Variants in TYK2 observed in about 807,000 individuals in gnomAD.
TYK2 encodes the protein tyrosine kinase 2, also known as non-receptor tyrosine-protein kinase TYK2.
In TYK2, 65 loss-of-function variants were observed where a neutral mutation model predicts 130.9. That is an observed-to-expected ratio of 0.50 (90% CI 0.41 to 0.61). The LOEUF (loss-of-function observed/expected upper bound fraction) is 0.61. TYK2 is among the 20% of genes least tolerant of loss of function. The pLI, the probability that TYK2 is intolerant of heterozygous loss-of-function variation, is 0.00. For synonymous variants in TYK2, 647 were observed against 658.9 expected, an observed-to-expected ratio of 0.98 and a Z score of 0.28; for missense variants, 1,378 against 1,610.7, an observed-to-expected ratio of 0.86 and a Z score of 2.47.
chr19:10,353,099 C>A lies in TYK2; in HGVS notation c.3028-1G>T. 6.5e-7 allele frequency: 1 copy of A among 1,529,510 alleles called. No individual in the cohort carries two copies. 94.7% of individuals were successfully genotyped at this position (1,529,510 alleles called of 1,614,324 possible). On this transcript the variant is annotated splice_acceptor_variant, in intron 21 of 24. Coordinates refer to ENST00000525621, the MANE Select transcript of TYK2 (RefSeq NM_003331.5). LOFTEE classifies it high-confidence loss of function. The surrounding 1 kb of genome is among the most constrained non-coding windows in gnomAD (Gnocchi z 6.9). ...GCTGCGCGTGCAGATAGGCCATGCCCTGGGGACGGGGCAGGGCTCGTGAGT... is the reference window on the plus strand; with the variant it reads ...GCTGCGCGTGCAGATAGGCCATGCCATGGGGACGGGGCAGGGCTCGTGAGT...
intron 9 of TYK2, among the ~76,000 whole-genome samples, chr19:10,363,934 G>A (rs1372974148): frequency 1.3e-5 from 2 of 152,188 alleles, no homozygotes; most frequent in African/African-American, 4.8e-5. Context: ...CACAGGGCCA[G>A]TGACCAGACA....
rs2040932712 is a variant in TYK2, at chr19:10,353,696, G to A, written c.2909-50C>T. 7.3e-7 allele frequency: 1 copy of A among 1,364,036 alleles called. No homozygotes were observed. The highest frequency in any genetic ancestry group is 1.6e-5 in the South Asian group (1 of 63,874). 84.5% of individuals were successfully genotyped at this position (1,364,036 alleles called of 1,614,324 possible). On this transcript the variant is annotated intron_variant, in intron 20 of 24. Transcript: ENST00000525621. The surrounding 1 kb of genome is among the most constrained non-coding windows in gnomAD (Gnocchi z 6.9). ...GTGGGGGACGATAGAGGGCGGGCCG[G>A]GGACCGCCTACCTTGAGCCCAGCAG... is the stretch of plus-strand genomic sequence containing the variant.
At chr19:10,352,884 A>C in intron 22 of TYK2, 42 bp downstream of exon 22, 1 of 1,545,624 alleles carries the variant, frequency 6.5e-7, no homozygotes, top group Non-Finnish European at 8.7e-7. Flanking sequence ...GCCTGTTCCA[A>C]GTGACCCCAG....
chr19:10,351,670 T>C (rs12720331), intron 23 of TYK2, among the ~76,000 whole-genome samples: 4,260 of 152,242 alleles, frequency 0.028, 191 homozygotes, highest in African/African-American at 0.096. Flanking sequence ...GTTAAACTAA[T>C]ATTCATAGAG....
chr19:10,380,230 C>T (rs2042315626), intron 1 of TYK2, 150 bp downstream of exon 1: 1 of 152,338 alleles, frequency 6.6e-6, no homozygotes, highest in South Asian at 2.1e-4. Flanking sequence ...CTTCCTCCTT[C>T]CTCCTTTCTC....
Position 10,356,622 on chromosome 19 carries a change from G to C in TYK2, c.2563C>G (p.Gln855Glu). ...AGGATGGTGCGGAATGATGGCCTCT[G>C]GGTTGGCTCATAGGTCAGACACTGG... The part of the protein sequence containing the change: ...TSQCLTYEPT[Q>E]RPSFRTILRD... Residue 855 changes from glutamine (Q) to glutamate (E), a missense_variant, in exon 18 of 25, where the codon CAG (glutamine) becomes GAG (glutamate). Physicochemically the swap from Gln to Glu is conservative, Grantham distance 29. Transcript: ENST00000525621. 6.2e-7 allele frequency: 1 copy of C among 1,613,834 alleles called. No individual in the cohort carries two copies. The highest frequency in any genetic ancestry group is 8.5e-7 in the Non-Finnish European group (1 of 1,179,972).
rs867569408 is a variant in TYK2, at chr19:10,353,307, G to C, written c.3028-209C>G. On this transcript the variant is annotated intron_variant, in intron 21 of 24. Coordinates refer to ENST00000525621, the MANE Select transcript of TYK2 (RefSeq NM_003331.5). This position sits in a 1 kb window ranked among gnomAD's most constrained non-coding sequence, Gnocchi z 6.9. ...GGGGCTAGACGAGCAAAGCTGGGCA[G>C]GAGGGCGAGTTGGGAGGGGCCGAGC... The C allele has an allele frequency of 4.7e-5, 27 of 579,100 alleles. No individual in the cohort carries two copies. The Middle Eastern group carries it at 2.3e-3, about 49-fold the overall frequency. The allele number at this position is 579,100 out of a possible 1,614,324, so 35.9% of individuals were successfully genotyped here.
intron 14 of TYK2, among the ~76,000 whole-genome samples, chr19:10,360,331 C>T (rs1449798441): frequency 6.6e-6 from 1 of 151,950 alleles, no homozygotes; most frequent in Non-Finnish European, 1.5e-5. Context: ...CCCATCTCTA[C>T]AAAAAATTTT....
Position 10,361,997 on chromosome 19 carries a change from T to C in TYK2, c.1774-42A>G, listed in dbSNP as rs369938273. The C allele has an allele frequency of 6.8e-6, 11 of 1,613,600 alleles. No individual in the cohort carries two copies. In the African/African-American group the frequency reaches 9.3e-5, roughly 14 times the overall value. On this transcript the variant is annotated intron_variant, in intron 12 of 24. Transcript: ENST00000525621. The surrounding 1 kb of genome is among the most constrained non-coding windows in gnomAD (Gnocchi z 4.0). ...CACAGAATACCGCCATGGTGAAAGTTAGCAGCTGATCTCCCAGGGCCCCCA... is the reference window on the plus strand; with the variant it reads ...CACAGAATACCGCCATGGTGAAAGTCAGCAGCTGATCTCCCAGGGCCCCCA...
At position 10,353,955 on chromosome 19, in the gene TYK2, TAGGCCAGACTGGCCCCGCCCACA is replaced by T. The variant is rs2145152554; in HGVS notation, c.2908+64_2908+86del. The T allele has an allele frequency of 7.1e-7, 1 of 1,402,104 alleles. No homozygotes were observed. The highest frequency in any genetic ancestry group is 2.3e-5 in the East Asian group (1 of 43,084). The allele number at this position is 1,402,104 out of a possible 1,614,324, so 86.9% of individuals were successfully genotyped here. A position where few individuals can be genotyped will look rare whatever the true frequency, so the allele number is the denominator to read the frequency against. On this transcript the variant is annotated intron_variant, in intron 20 of 24. Coordinates refer to ENST00000525621, the MANE Select transcript of TYK2 (RefSeq NM_003331.5). This position sits in a 1 kb window ranked among gnomAD's most constrained non-coding sequence, Gnocchi z 6.9. ...CTGGGGTTGAGAGTCTCTAATTGGCTAGGCCAGACTGGCCCCGCCCACAAGGCCACACCCACGCTCTAACCACG... is the reference window on the plus strand; with the variant it reads ...CTGGGGTTGAGAGTCTCTAATTGGCTAGGCCACACCCACGCTCTAACCACG...
chr19:10,362,364 GA>G lies in TYK2; in HGVS notation c.1568del (p.Phe523SerfsTer16). The G allele has an allele frequency of 6.2e-7, 1 of 1,614,124 alleles. No individual in the cohort carries two copies. Among genetic ancestry groups the G allele is most frequent in the Non-Finnish European group, 8.5e-7 (1 of 1,180,000 alleles). On this transcript the variant is annotated frameshift_variant, in exon 11 of 25. Coordinates refer to ENST00000525621, the MANE Select transcript of TYK2 (RefSeq NM_003331.5). LOFTEE classifies it high-confidence loss of function. ...CAGCCCCAAGTTCCCGAACGCTGGG[GA>G]AGGACCGGCCCCAGCCCTCCAGCAC... ...AFVLEGWGRS[F>X]PSVRELGAAL...
intron 3 of TYK2, among the ~76,000 whole-genome samples, chr19:10,372,484 A>ATATATTTTTT (rs1390400916): frequency 1.1e-4 from 4 of 37,424 alleles, no homozygotes; most frequent in African/African-American, 5.3e-4. Flanking sequence ...ATATATATAT[A>ATATATTTTTT]TTTTTTTTTT....
At chr19:10,351,464 G>T in intron 23 of TYK2, 1 of 360,146 alleles carries the variant, frequency 2.8e-6, no homozygotes. Flanking sequence ...TCCAGCCTGG[G>T]ATACAAGTGT....
At chr19:10,357,163 CG>C in intron 17 of TYK2, 1 of 381,580 alleles carries the variant, frequency 2.6e-6, no homozygotes, top group South Asian at 2.5e-5. Flanking sequence ...CCGAGGTGGG[CG>C]GATCACCTGA....
At chr19:10,372,399 T>C (rs112345115) in intron 3 of TYK2, among the ~76,000 whole-genome samples, 1 of 135,864 alleles carries the variant, frequency 7.4e-6, no homozygotes, top group Non-Finnish European at 1.5e-5. Context: ...GCTCAAGCAG[T>C]CCTCCTGCCT....
chr19:10,353,569 C>A lies in TYK2; in HGVS notation c.2986G>T (p.Gly996Trp). 1 of 1,493,632 alleles carries A rather than the reference C, an allele frequency of 6.7e-7. No individual in the cohort carries two copies. The highest frequency in any genetic ancestry group is 8.9e-7 in the Non-Finnish European group (1 of 1,117,390). The allele number at this position is 1,493,632 out of a possible 1,614,324, so 92.5% of individuals were successfully genotyped here. A position where few individuals can be genotyped will look rare whatever the true frequency, so the allele number is the denominator to read the frequency against. The change falls in exon 21 of 25, where the codon GGG (glycine) becomes TGG (tryptophan). Residue 996 changes from glycine (G) to tryptophan (W), a missense_variant. Transcript: ENST00000525621. The surrounding 1 kb of genome is among the most constrained non-coding windows in gnomAD (Gnocchi z 6.9). ...LRDYLPRHSI[G>W]LAQLLLFAQQ... ...GCGAAGAGCAGCAGCTGGGCCAGCC[C>A]GATGCTGTGCCGGGGCAGGTAGTCT...
At chr19:10,373,520 G>A (rs774490802) in intron 3 of TYK2, among the ~76,000 whole-genome samples, 12 of 152,048 alleles carry the variant, frequency 7.9e-5, no homozygotes, top group Non-Finnish European at 1.6e-4. Flanking sequence ...TAGTAGAGAC[G>A]GGGTTTCACC....
chr19:10,377,650 G>A, intron 3 of TYK2, among the ~76,000 whole-genome samples: 1 of 3,758 alleles, frequency 2.7e-4, no homozygotes, highest in Admixed American at 2.6e-3. Context: ...ATGGGTGGAT[G>A]GATGAATGGG....
At chr19:10,376,784 T>G (rs1449898038) in intron 3 of TYK2, among the ~76,000 whole-genome samples, 1 of 151,962 alleles carries the variant, frequency 6.6e-6, no homozygotes, top group Non-Finnish European at 1.5e-5. Context: ...GTATTTTTAG[T>G]AGAGCTGGAG....
Sources: allele counts gnomAD v4.1 joint callset (sites outside exome capture counted in the v4.1 genomes callset), GRCh38; gene constraint gnomAD v4.1.1; non-coding constraint Gnocchi (gnomAD v3.1); transcripts MANE v1.5; gene names NCBI Gene and HGNC (gene_info 2026-07-23, HGNC 2026-07-21).